The following ADAMTS3 variants were observed in gnomAD, a reference collection of about 807,000 sequenced individuals.
ADAMTS3 encodes A disintegrin and metalloproteinase with thrombospondin motifs 3.
ADAMTS3 carries 73 observed loss-of-function variants against 129.0 expected under a neutral mutation model. The observed-to-expected ratio is 0.57, with a 90% CI of 0.47 to 0.69. The LOEUF (loss-of-function observed/expected upper bound fraction) is 0.69. Ranked by LOEUF, ADAMTS3 falls within the 30% of genes least tolerant of loss-of-function variation. The pLI is 0.00. For missense variants in ADAMTS3, 1,457 were observed against 1,514.5 expected, an observed-to-expected ratio of 0.96 and a Z score of 0.63; for synonymous variants, 477 against 510.8, an observed-to-expected ratio of 0.93 and a Z score of 0.89.
rs146647820 is a variant in ADAMTS3, at chr4:72,284,483, G to C, written c.3050-779C>G. On this transcript the variant is annotated intron_variant, in intron 21 of 21. Transcript: ENST00000286657. Reference sequence around the variant, plus strand: ...AAAATTCTCCAGTTTGAATAAAATAGTTTCATGTTTATCATTGAATATTCT... The same window carrying C: ...AAAATTCTCCAGTTTGAATAAAATACTTTCATGTTTATCATTGAATATTCT... Among the ~76,000 whole-genome samples the C allele has an allele frequency of 5.7e-4, 87 of 151,616 alleles. No homozygotes were observed. The East Asian group carries it at 0.015, about 26-fold the overall frequency.
Position 72,569,090 on chromosome 4 carries a change from A to C in ADAMTS3, c.-328T>G, listed in dbSNP as rs546448923. ...AGGGGCTTTCCAACTATCTCTGCCCAAAGCAGCTTTTTCGAGGCTTTTCGA... is the reference window on the plus strand; with the variant it reads ...AGGGGCTTTCCAACTATCTCTGCCCCAAGCAGCTTTTTCGAGGCTTTTCGA... On this transcript the variant is annotated 5_prime_UTR_variant, in exon 1 of 22. Transcript: ENST00000286657. 153 of 373,218 alleles carry C rather than the reference A, an allele frequency of 4.1e-4. No homozygotes were observed. The highest frequency in any genetic ancestry group is 2.0e-3 in the African/African-American group (97 of 49,050). The allele number at this position is 373,218 out of a possible 1,614,324, so 23.1% of individuals were successfully genotyped here. A position where few individuals can be genotyped will look rare whatever the true frequency, so the allele number is the denominator to read the frequency against.
chr4:72,559,583 A>G (rs1308445646), intron 2 of ADAMTS3, among the ~76,000 whole-genome samples: 9 of 151,770 alleles, frequency 5.9e-5, no homozygotes, highest in African/African-American at 2.2e-4. Flanking sequence ...AGGCAGACCT[A>G]CCTAAAATGT....
At chr4:72,399,287 G>A (rs1007011398) in intron 4 of ADAMTS3, among the ~76,000 whole-genome samples, 1 of 152,050 alleles carries the variant, frequency 6.6e-6, no homozygotes, top group Admixed American at 6.6e-5. Flanking sequence ...AAAGAAATTA[G>A]CTGAGTGTGG....
intron 18 of ADAMTS3, 24 bp from the exon 19 acceptor site, chr4:72,295,810 T>C: frequency 1.2e-6 from 2 of 1,606,632 alleles, no homozygotes; most frequent in South Asian, 2.2e-5. Context: ...TAAAGTTCTT[T>C]GGATTTAATC....
intron 10 of ADAMTS3, 59 bp downstream of exon 10, chr4:72,318,513 C>G (rs776550348): frequency 1.2e-5 from 19 of 1,574,158 alleles, no homozygotes; most frequent in Non-Finnish European, 1.6e-5. Context: ...TCTCACCAAG[C>G]AGGAGCTACA....
chr4:72,465,060 G>A (rs992444171), intron 3 of ADAMTS3, among the ~76,000 whole-genome samples: 1 of 152,020 alleles, frequency 6.6e-6, no homozygotes, highest in South Asian at 2.1e-4. Context: ...GTTCAGGAGA[G>A]AGAATATTAA....
chr4:72,427,448 T>C (rs189796387), intron 3 of ADAMTS3, among the ~76,000 whole-genome samples: 1 of 152,188 alleles, frequency 6.6e-6, no homozygotes, highest in Non-Finnish European at 1.5e-5. Flanking sequence ...CTGATTATGT[T>C]GGAGGTTCTC....
chr4:72,417,742 A>T (rs1187429860), intron 3 of ADAMTS3, among the ~76,000 whole-genome samples: 2 of 151,842 alleles, frequency 1.3e-5, no homozygotes, highest in Non-Finnish European at 1.5e-5. Context: ...CATCCTGGCT[A>T]ACACGGTGAA....
rs149995127 is a variant in ADAMTS3 at position 72,296,405 on chromosome 4, G to A, written c.2591-619C>T. 9.2e-5 allele frequency among the ~76,000 whole-genome samples: 14 copies of A among 152,162 alleles called. No homozygotes were observed. In the East Asian group the frequency reaches 2.5e-3, roughly 27 times the overall value. ...CTAACAAGTTTCTGGACATTATCCT[G>A]AAGGTTATAGGGAGTTACTGAGGGT... On this transcript the variant is annotated intron_variant, in intron 18 of 21. Transcript: ENST00000286657.
At chr4:72,425,274 C>T (rs1328589157) in intron 3 of ADAMTS3, among the ~76,000 whole-genome samples, 1 of 152,112 alleles carries the variant, frequency 6.6e-6, no homozygotes, top group East Asian at 1.9e-4. Flanking sequence ...TAATGATTCA[C>T]ACTGTCCAAT....
chr4:72,523,137 A>G (rs1419865294), intron 3 of ADAMTS3, among the ~76,000 whole-genome samples: 3 of 152,104 alleles, frequency 2.0e-5, no homozygotes, highest in Non-Finnish European at 4.4e-5. Context: ...TCCAAAGGTA[A>G]ATATAAAAAA....
chr4:72,413,263 T>C (rs890902193), intron 4 of ADAMTS3, among the ~76,000 whole-genome samples: 3 of 151,976 alleles, frequency 2.0e-5, no homozygotes, highest in Non-Finnish European at 4.4e-5. Flanking sequence ...CTTCCAGTTC[T>C]CCTATACAAT....
chr4:72,413,922 C>T (rs1722242151), intron 4 of ADAMTS3, among the ~76,000 whole-genome samples: 1 of 101,348 alleles, frequency 9.9e-6, no homozygotes, highest in South Asian at 4.4e-4. Flanking sequence ...TTGCACTATT[C>T]TGTTCATAAA....
intron 3 of ADAMTS3, among the ~76,000 whole-genome samples, chr4:72,419,932 T>A (rs1479033939): frequency 1.3e-5 from 2 of 152,040 alleles, no homozygotes; most frequent in Non-Finnish European, 2.9e-5. Context: ...CAAAATACTA[T>A]TTTCATATTT....
intron 2 of ADAMTS3, among the ~76,000 whole-genome samples, chr4:72,567,073 T>C (rs1450661941): frequency 1.3e-5 from 2 of 152,206 alleles, no homozygotes; most frequent in Non-Finnish European, 2.9e-5. Context: ...TTCATCTCCA[T>C]ATCATCTTAC....
At chr4:72,451,426 T>G (rs1718402796) in intron 3 of ADAMTS3, among the ~76,000 whole-genome samples, 1 of 151,746 alleles carries the variant, frequency 6.6e-6, no homozygotes, top group African/African-American at 2.4e-5. Flanking sequence ...TATAATAGAC[T>G]GATCACCAAT....
intron 4 of ADAMTS3, among the ~76,000 whole-genome samples, chr4:72,411,088 T>G (rs370677911): frequency 1.3e-5 from 2 of 152,120 alleles, no homozygotes; most frequent in African/African-American, 4.8e-5. Flanking sequence ...ATTTTTGACT[T>G]AAAAAAACAT....
At chr4:72,321,662 C>T (rs1719558615) in intron 6 of ADAMTS3, among the ~76,000 whole-genome samples, 1 of 151,946 alleles carries the variant, frequency 6.6e-6, no homozygotes, top group African/African-American at 2.4e-5. Flanking sequence ...TTTTACGATC[C>T]AGAATTAATC....
chr4:72,428,061 A>G (rs1722613946), intron 3 of ADAMTS3, among the ~76,000 whole-genome samples: 6 of 152,018 alleles, frequency 3.9e-5, no homozygotes, highest in Admixed American at 3.9e-4. Flanking sequence ...CATTATGGGT[A>G]CTGTGGCTTA....
Sources: gnomAD v4.1 joint callset for allele counts (sites outside exome capture counted in the v4.1 genomes callset) on GRCh38, gnomAD v4.1.1 for gene constraint, MANE v1.5 for transcripts, NCBI Gene and HGNC (gene_info 2026-07-23, HGNC 2026-07-21) for gene names.